Variants in ZFHX3 observed in about 807,000 individuals in gnomAD.
ZFHX3 encodes zinc finger homeobox 3.
In ZFHX3, 42 loss-of-function variants were observed where a neutral mutation model predicts 279.1. That is an observed-to-expected ratio of 0.15 (90% CI 0.12 to 0.19). ZFHX3 has a LOEUF of 0.19. Among genes scored for constraint, ZFHX3 ranks in the 10% least tolerant of loss-of-function variants. ZFHX3 has a pLI of 1.00. For missense variants in ZFHX3, 4,981 were observed against 4,754.0 expected (o/e 1.05, Z -1.40); for synonymous variants, 2,293 against 1,957.8 (o/e 1.17, Z -4.52).
chr16:73,276,637 A>G (rs968933082), intron 4 of ZFHX3, among the ~76,000 whole-genome samples: 3 of 152,246 alleles, frequency 2.0e-5, no homozygotes, highest in African/African-American at 7.2e-5. Flanking sequence ...AAAGTGTACA[A>G]AACGATGTTT....
chr16:73,246,185 G>A (rs1000161444), intron 5 of ZFHX3, among the ~76,000 whole-genome samples: 18 of 152,244 alleles, frequency 1.2e-4, no homozygotes, highest in Admixed American at 2.6e-4. Flanking sequence ...ATTCCAAGCC[G>A]CAGAGTTGTG....
intron 2 of ZFHX3, among the ~76,000 whole-genome samples, chr16:73,461,985 T>C (rs1335570398): frequency 6.6e-6 from 1 of 152,210 alleles, no homozygotes; most frequent in Non-Finnish European, 1.5e-5. Flanking sequence ...CTATGCTGAG[T>C]CTTCCATCAA....
intron 8 of ZFHX3, among the ~76,000 whole-genome samples, chr16:73,087,597 T>TG (rs1966023819): frequency 6.6e-6 from 1 of 152,266 alleles, no homozygotes; most frequent in African/African-American, 2.4e-5. Flanking sequence ...TAATTAAAAA[T>TG]GGGGGGTGAT....
intron 1 of ZFHX3, among the ~76,000 whole-genome samples, chr16:73,741,097 T>A (rs2053653789): frequency 6.8e-6 from 1 of 146,072 alleles, no homozygotes; most frequent in African/African-American, 2.5e-5. Flanking sequence ...AGTGACATGA[T>A]CTTGGCTCAC....
chr16:73,540,658 T>C (rs1223182794), intron 2 of ZFHX3, among the ~76,000 whole-genome samples: 1 of 152,248 alleles, frequency 6.6e-6, no homozygotes, highest in Non-Finnish European at 1.5e-5. Context: ...AACCACTTGC[T>C]CTTTAAATAA....
chr16:73,604,782 G>T (rs935853638), intron 2 of ZFHX3, among the ~76,000 whole-genome samples: 1 of 151,690 alleles, frequency 6.6e-6, no homozygotes, highest in Non-Finnish European at 1.5e-5. Context: ...AGGAGTTGCT[G>T]GTTGTTCTGT....
rs1395666126 is a variant in ZFHX3, at chr16:73,135,486, T to C, written c.-1023-4392A>G. ...CCAAGGACAGAGAATAAAAGAACTCTTCAATGTAAATTATCCATTCCAAGC... is the reference window on the plus strand; with the variant it reads ...CCAAGGACAGAGAATAAAAGAACTCCTCAATGTAAATTATCCATTCCAAGC... On this transcript the variant is annotated intron_variant, in intron 6 of 17. Coordinates refer to the ZFHX3 transcript ENST00000641206. 2.0e-5 allele frequency among the ~76,000 whole-genome samples: 3 copies of C among 152,338 alleles called. No homozygotes were observed. The East Asian group carries it at 5.8e-4, about 29-fold the overall frequency.
Position 72,796,291 on chromosome 16 carries a change from G to A in ZFHX3, c.6391C>T (p.Leu2131Phe). 6.2e-7 allele frequency: 1 copy of A among 1,614,112 alleles called. No homozygotes were observed. The highest frequency in any genetic ancestry group is 1.3e-5 in the African/African-American group (1 of 75,012). ...GTTGGATTGAGCTGATGCTGGTAGA[G>A]TTGGGCCAGGTCCGCAGGCAGAGGC... Reference protein sequence around the residue: ...VEPLPADLAQLYQHQLNPTLL... With the variant: ...VEPLPADLAQFYQHQLNPTLL... The change falls in exon 9 of 10, where the codon CTC becomes TTC. Residue 2131 changes from leucine (L) to phenylalanine (F), a missense_variant. By Grantham distance (22) the Leu-to-Phe change is conservative (BLOSUM62 0). This residue lies in a region of ZFHX3 where 1,751 missense variants were observed against 1,770.0 expected (regional missense o/e 0.99). Transcript: ENST00000268489.
At chr16:73,821,289 T>A (rs1436086237) in intron 1 of ZFHX3, among the ~76,000 whole-genome samples, 1 of 152,126 alleles carries the variant, frequency 6.6e-6, no homozygotes, top group Non-Finnish European at 1.5e-5. Context: ...AGCACAGAGG[T>A]CTCTCCTGCT....
At chr16:73,108,156 A>G (rs1451882115) in intron 7 of ZFHX3, among the ~76,000 whole-genome samples, 9 of 151,894 alleles carry the variant, frequency 5.9e-5, no homozygotes, top group Non-Finnish European at 1.0e-4. Context: ...GCAAGATTCC[A>G]TCTCAAATAA....
intron 8 of ZFHX3, among the ~76,000 whole-genome samples, chr16:73,067,378 G>T (rs1965768969): frequency 6.6e-6 from 1 of 152,174 alleles, no homozygotes; most frequent in Non-Finnish European, 1.5e-5. Context: ...GCTGCCACGG[G>T]CGCTCCTCCA....
chr16:72,987,996 A>G (rs1221827360), intron 1 of ZFHX3, among the ~76,000 whole-genome samples: 3 of 152,140 alleles, frequency 2.0e-5, no homozygotes, highest in Non-Finnish European at 2.9e-5. Context: ...GTTTAATATT[A>G]TATGTGGCTA....
intron 6 of ZFHX3, among the ~76,000 whole-genome samples, chr16:73,138,263 C>A (rs1041138840): frequency 1.3e-5 from 2 of 152,186 alleles, no homozygotes; most frequent in African/African-American, 2.4e-5. Flanking sequence ...AATCACCCAG[C>A]TCCACTCTCT....
chr16:73,031,867 G>C (rs1249232876), intron 1 of ZFHX3, among the ~76,000 whole-genome samples: 2 of 152,144 alleles, frequency 1.3e-5, no homozygotes, highest in Non-Finnish European at 2.9e-5. Flanking sequence ...AGTGGGGAAG[G>C]GGGGTGAAGG....
intron 7 of ZFHX3, among the ~76,000 whole-genome samples, chr16:73,106,721 A>C (rs778371635): frequency 3.3e-5 from 5 of 152,216 alleles, no homozygotes; most frequent in Non-Finnish European, 5.9e-5. Context: ...ATCATTCATC[A>C]TGGAAGCCCT....
chr16:73,306,846 T>C (rs2015193406), intron 4 of ZFHX3, among the ~76,000 whole-genome samples: 1 of 152,242 alleles, frequency 6.6e-6, no homozygotes, highest in Non-Finnish European at 1.5e-5. Flanking sequence ...AATGCTACGT[T>C]ATCATTTCTA....
chr16:73,863,022 T>A (rs1046048518), intron 1 of ZFHX3, among the ~76,000 whole-genome samples: 1 of 151,568 alleles, frequency 6.6e-6, no homozygotes, highest in Non-Finnish European at 1.5e-5. Context: ...CTGGCCAACA[T>A]ACTGAAACCC....
intron 2 of ZFHX3, among the ~76,000 whole-genome samples, chr16:73,549,093 T>C (rs1425847944): frequency 2.0e-5 from 3 of 152,206 alleles, no homozygotes; most frequent in Admixed American, 2.0e-4. Context: ...AATTTTCTTT[T>C]GATACGCTTT....
At chr16:72,942,848 G>C (rs1960475562) in intron 3 of ZFHX3, among the ~76,000 whole-genome samples, 2 of 152,270 alleles carry the variant, frequency 1.3e-5, no homozygotes, top group South Asian at 4.1e-4. Context: ...TCATCCTGGA[G>C]AGTTCAATGA....
Sources: allele counts gnomAD v4.1 joint callset (sites outside exome capture counted in the v4.1 genomes callset), GRCh38; gene constraint gnomAD v4.1.1; regional missense constraint gnomAD v4.1.1; transcripts MANE v1.5; gene names NCBI Gene and HGNC (gene_info 2026-07-23, HGNC 2026-07-21).